YIPF6: variants seen among roughly 807,000 people sequenced by gnomAD.
YIPF6 encodes the protein protein YIPF6.
YIPF6 carries 3 observed loss-of-function variants against 16.8 expected under a neutral mutation model. The observed-to-expected ratio is 0.18, with a 90% CI of 0.08 to 0.46. The LOEUF (loss-of-function observed/expected upper bound fraction) is 0.46, where lower values mean the gene tolerates loss of function less well. Among genes scored for constraint, YIPF6 ranks in the 20% least tolerant of loss-of-function variants. The pLI is 0.98. For missense variants in YIPF6, 145 were observed against 184.9 expected (o/e 0.78, Z 1.25); for synonymous variants, 67 against 61.9 (o/e 1.08, Z -0.38).
At chrX:68,513,503 C>A in intron 3 of YIPF6, 98 bp downstream of exon 3, 2 of 459,261 alleles carry the variant, frequency 4.4e-6, no homozygotes, top group South Asian at 1.0e-4. Flanking sequence ...ATAAAACTGA[C>A]ATCATTTTGT....
intron 1 of YIPF6, among the ~76,000 whole-genome samples, chrX:68,506,173 T>G (rs2147818097): frequency 9.0e-6 from 1 of 110,796 alleles, no homozygotes; most frequent in Non-Finnish European, 1.9e-5. Flanking sequence ...ACTTTTTCTT[T>G]GTTATCATAC....
chrX:68,530,782 C>A lies in YIPF6; in HGVS notation c.593-1099C>A, dbSNP rs532448011. Among the ~76,000 whole-genome samples the A allele has an allele frequency of 1.3e-3, 145 of 111,255 alleles. 2 individuals carry two copies. The South Asian group carries it at 0.022, about 17-fold the overall frequency. On this transcript the variant is annotated intron_variant, in intron 6 of 6. Transcript: ENST00000462683. ...TTCCCCACCCTGCTTCAGCTCACCC[C>A]CCGTGGGCTGCACCCACTGTCTAAC...
rs762002363 is a variant in YIPF6, at chrX:68,515,325, CA to C, written c.265+1934del. The C allele has an allele frequency of 3.9e-3, 233 of 59,256 alleles. 2 individuals carry two copies. The highest frequency in any genetic ancestry group is 0.013 in the Middle Eastern group (1 of 76). The allele number at this position is 59,256 out of a possible 1,213,427, so 4.9% of individuals were successfully genotyped here. ...TGGGCGAAAGAGTGAGACTCCGTCTCAAAAAAAAAAAAAATAAAAAAAATAA... is the reference window on the plus strand; with the variant it reads ...TGGGCGAAAGAGTGAGACTCCGTCTCAAAAAAAAAAAAATAAAAAAAATAA... On this transcript the variant is annotated intron_variant, in intron 3 of 6. Coordinates refer to ENST00000462683, the MANE Select transcript of YIPF6 (RefSeq NM_173834.4).
intron 6 of YIPF6, among the ~76,000 whole-genome samples, chrX:68,523,487 G>A (rs1207880870): frequency 9.0e-6 from 1 of 111,577 alleles, no homozygotes; most frequent in African/African-American, 3.3e-5. Flanking sequence ...GAACCTTTAA[G>A]AACTATACTA....
At chrX:68,504,750 T>G (rs2079053453) in intron 1 of YIPF6, among the ~76,000 whole-genome samples, 1 of 111,890 alleles carries the variant, frequency 8.9e-6, no homozygotes, top group Non-Finnish European at 1.9e-5. Context: ...GATGGTACCA[T>G]TATCTCAATT....
chrX:68,511,116 C>T (rs1225661217), intron 1 of YIPF6, among the ~76,000 whole-genome samples: 3 of 110,489 alleles, frequency 2.7e-5, no homozygotes, highest in Admixed American at 1.9e-4. Context: ...TAAAATTTGA[C>T]GGATGTGAAC....
At chrX:68,519,144 A>G (rs1309816458) in intron 4 of YIPF6, among the ~76,000 whole-genome samples, 4 of 112,321 alleles carry the variant, frequency 3.6e-5, no homozygotes, top group Non-Finnish European at 7.5e-5. Flanking sequence ...GTTTGCAAAC[A>G]TAATTCTCTG....
At position 68,532,510 on chromosome X, in the gene YIPF6, A is replaced by G. The variant is rs1409826570; in HGVS notation, c.*511A>G. On this transcript the variant is annotated 3_prime_UTR_variant, in exon 7 of 7. Coordinates refer to ENST00000462683, the MANE Select transcript of YIPF6 (RefSeq NM_173834.4). ...CTTAAGCTTAAAAAGGCAATGAGAG[A>G]GGTTAGGAGTGGGTTCATACACGGA... 1 of 105,320 alleles carries G rather than the reference A, an allele frequency of 9.5e-6. No homozygotes were observed. Among genetic ancestry groups the G allele is most frequent in the African/African-American group, 3.5e-5 (1 of 28,895 alleles). The allele number at this position is 105,320 out of a possible 1,213,427, so 8.7% of individuals were successfully genotyped here.
rs1321255971 is a variant in YIPF6 at position 68,535,727 on chromosome X, C to T, written c.*3728C>T. ...CACTTACTGTGTGCCAGGCACTATT[C>T]TATTTTTTTAAGAATTTTTAAAATA... On this transcript the variant is annotated 3_prime_UTR_variant, in exon 7 of 7. Coordinates refer to ENST00000462683, the MANE Select transcript of YIPF6 (RefSeq NM_173834.4). The T allele has an allele frequency of 2.7e-5, 3 of 111,483 alleles. No homozygotes were observed. The highest frequency in any genetic ancestry group is 9.8e-5 in the African/African-American group (3 of 30,678). The allele number at this position is 111,483 out of a possible 1,213,427, so 9.2% of individuals were successfully genotyped here.
intron 6 of YIPF6, among the ~76,000 whole-genome samples, chrX:68,524,148 G>C (rs2079137829): frequency 9.0e-6 from 1 of 111,014 alleles, no homozygotes; most frequent in South Asian, 3.8e-4. Context: ...ATTCAGGAAA[G>C]ATTTCCCAGA....
rs748765236 is a variant in YIPF6, at chrX:68,532,039, C to A, written c.*40C>A. The A allele has an allele frequency of 9.9e-7, 1 of 1,014,694 alleles. No individual in the cohort carries two copies. The highest frequency in any genetic ancestry group is 1.4e-6 in the Non-Finnish European group (1 of 726,121). The allele number at this position is 1,014,694 out of a possible 1,213,427, so 83.6% of individuals were successfully genotyped here. On this transcript the variant is annotated 3_prime_UTR_variant, in exon 7 of 7. Coordinates refer to ENST00000462683, the MANE Select transcript of YIPF6 (RefSeq NM_173834.4). ...ATTAAAAACCAGTGAATTGAAAGCA[C>A]ATCTGAAAGATGCAATTCACCATGG...
intron 2 of YIPF6, 53 bp downstream of exon 2, chrX:68,512,030 CTAATAGT>C (rs2079082955): frequency 1.9e-6 from 2 of 1,071,526 alleles, no homozygotes; most frequent in Non-Finnish European, 2.5e-6. Context: ...GACTAAGTAA[CTAATAGT>C]ACTTTGCAAT....
intron 4 of YIPF6, among the ~76,000 whole-genome samples, chrX:68,519,873 G>A (rs184137639): frequency 2.7e-5 from 3 of 111,454 alleles, no homozygotes; most frequent in African/African-American, 9.8e-5. Context: ...TTGATGGAGG[G>A]GTTTATATTA....
rs1485871972 is a variant in YIPF6, at chrX:68,533,996, C to CT, written c.*2000dup. The CT allele has an allele frequency of 1.8e-5, 2 of 112,030 alleles. No individual in the cohort carries two copies. Among genetic ancestry groups the CT allele is most frequent in the Non-Finnish European group, 3.8e-5 (2 of 53,177 alleles). 9.2% of individuals were successfully genotyped at this position (112,030 alleles called of 1,213,427 possible). On this transcript the variant is annotated 3_prime_UTR_variant, in exon 7 of 7. Transcript: ENST00000462683. Reference sequence around the variant, plus strand: ...TGGTCAGAAATTCCTAAGGCCACAGCTTTGGGGGGTTCGTGTAGATGTACA... The same window carrying CT: ...TGGTCAGAAATTCCTAAGGCCACAGCTTTTGGGGGGTTCGTGTAGATGTACA...
chrX:68,527,063 T>A (rs1156381858), intron 6 of YIPF6, among the ~76,000 whole-genome samples: 1 of 112,160 alleles, frequency 8.9e-6, no homozygotes, highest in East Asian at 2.8e-4. Context: ...CAGCTCCTCT[T>A]GTACCTCTGG....
In YIPF6 at chrX:68,532,266, C is replaced by T. The variant is rs1471602103; in HGVS notation, c.*267C>T. 2 of 207,304 alleles carry T rather than the reference C, an allele frequency of 9.6e-6. No individual in the cohort carries two copies. Among genetic ancestry groups the T allele is most frequent in the Admixed American group, 7.4e-5 (1 of 13,564 alleles). 17.1% of individuals were successfully genotyped at this position (207,304 alleles called of 1,213,427 possible). ...CACAGTATATAATGCCTCCTTAAGG[C>T]ATGATGGAGTCACCGTGGTCCATTT... On this transcript the variant is annotated 3_prime_UTR_variant, in exon 7 of 7. Transcript: ENST00000462683.
At chrX:68,513,262 C>T in intron 2 of YIPF6, 65 bp from the exon 3 acceptor site, 1 of 926,860 alleles carries the variant, frequency 1.1e-6, no homozygotes, top group Non-Finnish European at 1.5e-6. Flanking sequence ...GAAATTTTAG[C>T]AAATTAAGTA....
rs1272060509 is a variant in YIPF6, at chrX:68,511,831, TCCCCTGAC to T, written c.58-17_58-10del. ...CAGTTTATTACAGGCTTACTTTTTT[TCCCCTGAC>T]TCTTCTCAGTTTGCAGGCCTTTCAG... On this transcript the variant is annotated splice_polypyrimidine_tract_variant and intron_variant, in intron 1 of 6. Coordinates refer to ENST00000462683, the MANE Select transcript of YIPF6 (RefSeq NM_173834.4). The T allele has an allele frequency of 1.7e-6, 2 of 1,188,138 alleles. No homozygotes were observed. The highest frequency in any genetic ancestry group is 1.8e-5 in the African/African-American group (1 of 56,623).
chrX:68,503,776 C>T (rs932289624), intron 1 of YIPF6, among the ~76,000 whole-genome samples: 5 of 112,361 alleles, frequency 4.4e-5, no homozygotes, highest in African/African-American at 6.5e-5. Context: ...CGGGTTCCCA[C>T]GTTCCGCTCA....
Sources: gnomAD v4.1 joint callset for allele counts (sites outside exome capture counted in the v4.1 genomes callset) on GRCh38, gnomAD v4.1.1 for gene constraint, MANE v1.5 for transcripts, NCBI Gene and HGNC (gene_info 2026-07-23, HGNC 2026-07-21) for gene names.